Variants in TTC8 observed in about 807,000 individuals in gnomAD.
The protein encoded by TTC8 is tetratricopeptide repeat protein 8.
A neutral mutation model predicts 72.5 loss-of-function variants in TTC8; 47 were observed. The ratio of observed to expected loss-of-function variants is 0.65; its 90% CI spans 0.51 to 0.83. The LOEUF (loss-of-function observed/expected upper bound fraction) is 0.83, where lower values mean the gene tolerates loss of function less well. TTC8 is among the 40% of genes least tolerant of loss of function. The pLI, the probability that TTC8 is intolerant of heterozygous loss-of-function variation, is 0.00. For missense variants in TTC8, 611 were observed against 623.2 expected, an observed-to-expected ratio of 0.98 and a Z score of 0.21; for synonymous variants, 199 against 221.4, an observed-to-expected ratio of 0.90 and a Z score of 0.90.
At chr14:88,859,840 TAATATA>T (rs1466188964) in intron 9 of TTC8, among the ~76,000 whole-genome samples, 1 of 101,036 alleles carries the variant, frequency 9.9e-6, no homozygotes, top group African/African-American at 2.8e-5. Flanking sequence ...CATATAAAAA[TAATATA>T]AATATATAAT....
At chr14:88,858,827 C>T (rs1272470757) in intron 9 of TTC8, among the ~76,000 whole-genome samples, 1 of 138,514 alleles carries the variant, frequency 7.2e-6, no homozygotes, top group Non-Finnish European at 1.5e-5. Flanking sequence ...GTCTCAAACT[C>T]CTGGCCTCAA....
intron 8 of TTC8, 82 bp downstream of exon 8, chr14:88,853,138 G>A: frequency 1.0e-6 from 1 of 976,168 alleles, no homozygotes; most frequent in Non-Finnish European, 1.6e-6. Context: ...AGGGGGGGGA[G>A]ATTTTCCCAT....
chr14:88,846,734 G>A (rs1378052657), intron 7 of TTC8: 20 of 979,016 alleles, frequency 2.0e-5, no homozygotes, highest in Non-Finnish European at 2.6e-5. Context: ...AGGGTTAGCC[G>A]ACTGTAATTT....
intron 9 of TTC8, among the ~76,000 whole-genome samples, chr14:88,857,551 A>G (rs2094862515): frequency 6.6e-6 from 1 of 152,192 alleles, no homozygotes; most frequent in Admixed American, 6.5e-5. Flanking sequence ...CTACTCGCAT[A>G]GGTAACAGGC....
rs146361531 is a variant in TTC8, at chr14:88,844,690, G to A, written c.624+840G>A. On this transcript the variant is annotated intron_variant, in intron 7 of 14. Coordinates refer to ENST00000380656, the MANE Select transcript of TTC8 (RefSeq NM_144596.4). ...CTCCCAAGTAGCTGGGACTATAGGC[G>A]TGTGCCACCATGCCCAGCTGATTTT... Among the ~76,000 whole-genome samples the A allele has an allele frequency of 1.4e-4, 22 of 151,784 alleles. No individual in the cohort carries two copies. In the East Asian group the frequency reaches 2.5e-3, roughly 17 times the overall value.
rs115346248 is a variant in TTC8 at position 88,831,368 on chromosome 14, A to G, written c.115-2325A>G. On this transcript the variant is annotated intron_variant, in intron 1 of 14. Coordinates refer to ENST00000380656, the MANE Select transcript of TTC8 (RefSeq NM_144596.4). Reference sequence around the variant, plus strand: ...TGAAAGTGGGTTTTCATGAGTATAAATACAGTTGCCAAGAGCCCATAGTTG... The same window carrying G: ...TGAAAGTGGGTTTTCATGAGTATAAGTACAGTTGCCAAGAGCCCATAGTTG... 2.3e-3 allele frequency among the ~76,000 whole-genome samples: 344 copies of G among 152,298 alleles called. 2 individuals carry two copies. Among genetic ancestry groups the G allele is most frequent in the African/African-American group, 7.7e-3 (318 of 41,550 alleles).
chr14:88,841,790 G>C (rs944442416), intron 6 of TTC8, among the ~76,000 whole-genome samples: 1 of 152,180 alleles, frequency 6.6e-6, no homozygotes, highest in African/African-American at 2.4e-5. Flanking sequence ...CATCATCTTT[G>C]TAGAATGAAG....
intron 7 of TTC8, among the ~76,000 whole-genome samples, chr14:88,851,976 G>C (rs1398250025): frequency 6.6e-6 from 1 of 152,166 alleles, no homozygotes; most frequent in Non-Finnish European, 1.5e-5. Flanking sequence ...ACAGTAATCT[G>C]GGATGTGTTT....
At chr14:88,829,123 G>C (rs1267383968) in intron 1 of TTC8, among the ~76,000 whole-genome samples, 1 of 152,160 alleles carries the variant, frequency 6.6e-6, no homozygotes, top group South Asian at 2.1e-4. Flanking sequence ...ACAGAGGCCA[G>C]CCGGGGTCTG....
Position 88,841,023 on chromosome 14 carries a change from T to G in TTC8, c.330-14T>G. ...TGATCTTCTTTGTATTATAACAATT[T>G]ATAATCTTCACAGGCCAATCACACA... is the stretch of plus-strand genomic sequence containing the variant. On this transcript the variant is annotated splice_polypyrimidine_tract_variant and intron_variant, in intron 4 of 14. Coordinates refer to ENST00000380656, the MANE Select transcript of TTC8 (RefSeq NM_144596.4). 1 of 1,614,106 alleles carries G rather than the reference T, an allele frequency of 6.2e-7. No homozygotes were observed.
At chr14:88,857,986 G>T (rs2094865094) in intron 9 of TTC8, among the ~76,000 whole-genome samples, 1 of 150,828 alleles carries the variant, frequency 6.6e-6, no homozygotes, top group Admixed American at 6.6e-5. Context: ...TTTTGAGATG[G>T]AGTCTTGCTC....
Position 88,839,464 on chromosome 14 carries a change from T to A in TTC8, c.157T>A (p.Leu53Ile), listed in dbSNP as rs1405431646. ...ELPVHQAAWILKARALTEMVY... is the reference protein window; with the variant it reads ...ELPVHQAAWIIKARALTEMVY... ...CCATGGGTTTTAGGCAGCTTGGATC[T>A]TAAAAGCAAGAGCGCTAACAGAAAT... is the stretch of plus-strand genomic sequence containing the variant. The change falls in exon 3 of 15, where the codon TTA becomes ATA. Residue 53 changes from leucine (L) to isoleucine (I), a missense_variant. Leu to Ile is a conservative substitution (Grantham distance 5). Transcript: ENST00000380656. 2.5e-6 allele frequency: 4 copies of A among 1,613,116 alleles called. No homozygotes were observed.
At chr14:88,866,414 C>G (rs920590263) in intron 10 of TTC8, among the ~76,000 whole-genome samples, 11 of 150,832 alleles carry the variant, frequency 7.3e-5, no homozygotes, top group Admixed American at 2.0e-4. Context: ...CACACACACA[C>G]GCACACACAA....
chr14:88,824,779 C>A lies in TTC8; in HGVS notation c.72C>A (p.Ala24=). Residue 24 remains alanine (A), a synonymous_variant, in exon 1 of 15, where the codon GCC becomes GCA. Coordinates refer to ENST00000380656, the MANE Select transcript of TTC8 (RefSeq NM_144596.4). ...YFRRRKFQLC[A]DLCTQMLEKS... ...GGCGCAGGAAGTTCCAGCTCTGCGC[C>A]GATCTATGCACGCAGATGCTGGAGA... 6.2e-7 allele frequency: 1 copy of A among 1,613,372 alleles called. No homozygotes were observed. Among genetic ancestry groups the A allele is most frequent in the Non-Finnish European group, 8.5e-7 (1 of 1,179,756 alleles).
chr14:88,839,099 G>T (rs1306939831), intron 2 of TTC8, among the ~76,000 whole-genome samples: 4 of 152,138 alleles, frequency 2.6e-5, no homozygotes, highest in Admixed American at 6.5e-5. Context: ...AAGGAGGAAG[G>T]CAGAAAGAAC....
At chr14:88,833,547 C>T (rs1341111188) in intron 1 of TTC8, 146 bp from the exon 2 acceptor site, 4 of 686,314 alleles carry the variant, frequency 5.8e-6, no homozygotes, top group African/African-American at 3.6e-5. Context: ...CTTGAGAACA[C>T]TTCTGTAGGA....
intron 7 of TTC8, chr14:88,846,890 A>G (rs2094809405): frequency 3.0e-6 from 1 of 331,850 alleles, no homozygotes; most frequent in Admixed American, 5.0e-5. Context: ...AGACCCTAAT[A>G]CGTAAAACAG....
intron 2 of TTC8, chr14:88,837,060 T>C: frequency 3.7e-6 from 1 of 271,954 alleles, no homozygotes. Flanking sequence ...AAACTCCATC[T>C]CAAAAAGTAA....
chr14:88,844,133 T>A (rs1487972788), intron 7 of TTC8, among the ~76,000 whole-genome samples: 1 of 152,156 alleles, frequency 6.6e-6, no homozygotes, highest in East Asian at 1.9e-4. Context: ...AAAGTTATAG[T>A]TTTTATGCTA....
Sources: gnomAD v4.1 joint callset for allele counts (sites outside exome capture counted in the v4.1 genomes callset) on GRCh38, gnomAD v4.1.1 for gene constraint, MANE v1.5 for transcripts, NCBI Gene and HGNC (gene_info 2026-07-23, HGNC 2026-07-21) for gene names.